BFAR: variants seen among roughly 807,000 people sequenced by gnomAD.
The protein encoded by BFAR is RING finger protein 47.
In BFAR, 52 loss-of-function variants were observed where a neutral mutation model predicts 54.4. The ratio of observed to expected loss-of-function variants is 0.96; its 90% confidence interval spans 0.77 to 1.21. The LOEUF (loss-of-function observed/expected upper bound fraction) is 1.21, where lower values mean the gene tolerates loss of function less well. Ranked by LOEUF, BFAR falls within the 50% of genes most tolerant of loss-of-function variation. The pLI, the probability that BFAR is intolerant of heterozygous loss-of-function variation, is 0.00. For missense variants in BFAR, 571 were observed against 534.0 expected, an observed-to-expected ratio of 1.07 and a Z score of -0.68; for synonymous variants, 215 against 204.3, an observed-to-expected ratio of 1.05 and a Z score of -0.45.
At chr16:14,645,671 T>A (rs1227376701) in intron 2 of BFAR, among the ~76,000 whole-genome samples, 1 of 152,232 alleles carries the variant, frequency 6.6e-6, no homozygotes, top group East Asian at 1.9e-4. Flanking sequence ...CCTGTCAGTC[T>A]TGATTTAGCT....
intron 1 of BFAR, among the ~76,000 whole-genome samples, chr16:14,639,614 C>G (rs1363476472): frequency 6.6e-6 from 1 of 152,182 alleles, no homozygotes; most frequent in South Asian, 2.1e-4. Flanking sequence ...TGAGCCACCA[C>G]GCCAGGCCAG....
intron 4 of BFAR, among the ~76,000 whole-genome samples, chr16:14,653,604 G>A (rs1960037354): frequency 6.6e-6 from 1 of 151,952 alleles, no homozygotes; most frequent in Admixed American, 6.6e-5. Context: ...CTGGATTACA[G>A]GCATGAGCCA....
At position 14,669,074 on chromosome 16, in the gene BFAR, C is replaced by A. The variant is rs1448083202; in HGVS notation, c.*1247C>A. The A allele has an allele frequency of 2.2e-6, 1 of 455,032 alleles. No individual in the cohort carries two copies. Among genetic ancestry groups the A allele is most frequent in the Non-Finnish European group, 4.4e-6 (1 of 226,202 alleles). The allele number at this position is 455,032 out of a possible 1,614,324, so 28.2% of individuals were successfully genotyped here. On this transcript the variant is annotated 3_prime_UTR_variant, in exon 8 of 8. Transcript: ENST00000261658. Reference sequence around the variant, plus strand: ...GTGAGATGTCATCTTGGAAGACAGGCCTTGCAGAAATAGGCCTACATCCAA... The same window carrying A: ...GTGAGATGTCATCTTGGAAGACAGGACTTGCAGAAATAGGCCTACATCCAA...
intron 6 of BFAR, among the ~76,000 whole-genome samples, chr16:14,664,143 G>A (rs1047887081): frequency 1.3e-5 from 2 of 152,048 alleles, no homozygotes; most frequent in African/African-American, 4.8e-5. Flanking sequence ...CACTGTCTGT[G>A]TCTTGGATGG....
intron 2 of BFAR, among the ~76,000 whole-genome samples, chr16:14,647,057 G>A (rs1425808989): frequency 3.9e-5 from 6 of 152,032 alleles, no homozygotes; most frequent in Admixed American, 6.6e-5. Context: ...GATTACAGGC[G>A]TGAGCCACTA....
chr16:14,650,152 T>C, intron 4 of BFAR, 179 bp downstream of exon 4: 1 of 516,192 alleles, frequency 1.9e-6, no homozygotes, highest in East Asian at 3.5e-5. Context: ...TGAAACCCCA[T>C]CTCTACTAAA....
At chr16:14,641,505 C>G (rs964776424) in intron 1 of BFAR, among the ~76,000 whole-genome samples, 4 of 150,782 alleles carry the variant, frequency 2.7e-5, no homozygotes, top group East Asian at 3.9e-4. Flanking sequence ...GAGTGGAGAT[C>G]GCGCCCCTGC....
intron 2 of BFAR, among the ~76,000 whole-genome samples, chr16:14,644,826 G>A (rs1343532780): frequency 6.6e-6 from 1 of 152,056 alleles, no homozygotes; most frequent in Admixed American, 6.6e-5. Flanking sequence ...TCTCTTAACA[G>A]GAACAGCAGT....
intron 7 of BFAR, among the ~76,000 whole-genome samples, chr16:14,666,555 A>T (rs1960446025): frequency 6.6e-6 from 1 of 152,022 alleles, no homozygotes; most frequent in Non-Finnish European, 1.5e-5. Context: ...CTGGGCGACA[A>T]AACGAGAGTC....
Position 14,655,054 on chromosome 16 carries a change from G to T in BFAR, c.639-12G>T, listed in dbSNP as rs761009428. On this transcript the variant is annotated splice_polypyrimidine_tract_variant and intron_variant, in intron 4 of 7. Coordinates refer to ENST00000261658, the MANE Select transcript of BFAR (RefSeq NM_016561.3). ...ATAATCGCAAAATAAATCTCCTCCT[G>T]CCCCTCTACAGGTTGCTTTTAACTT... The T allele has an allele frequency of 1.1e-5, 17 of 1,592,690 alleles. No individual in the cohort carries two copies. Among genetic ancestry groups the T allele is most frequent in the South Asian group, 5.7e-5 (5 of 87,244 alleles).
intron 5 of BFAR, 124 bp from the exon 6 acceptor site, chr16:14,661,760 CCGTTCATT>C: frequency 2.0e-6 from 2 of 982,334 alleles, no homozygotes; most frequent in Non-Finnish European, 3.1e-6. Context: ...CCTCTTCTTG[CCGTTCATT>C]CATTCATGCA....
intron 6 of BFAR, among the ~76,000 whole-genome samples, chr16:14,663,087 G>T (rs1165645118): frequency 6.6e-6 from 1 of 152,184 alleles, no homozygotes; most frequent in African/African-American, 2.4e-5. Flanking sequence ...GTCAGGGGTC[G>T]ATCTTTAACT....
At chr16:14,662,887 C>T (rs1170137356) in intron 6 of BFAR, among the ~76,000 whole-genome samples, 2 of 152,142 alleles carry the variant, frequency 1.3e-5, no homozygotes, top group African/African-American at 2.4e-5. Flanking sequence ...GTGAGCAATT[C>T]CTGTCCCTTT....
intron 6 of BFAR, 121 bp downstream of exon 6, chr16:14,662,186 G>A (rs1960310520): frequency 5.9e-6 from 7 of 1,188,068 alleles, no homozygotes; most frequent in African/African-American, 1.5e-5. Context: ...AGAATGTCTG[G>A]TAGGTCATTT....
chr16:14,656,892 C>T (rs1173390290), intron 5 of BFAR, among the ~76,000 whole-genome samples: 26 of 152,098 alleles, frequency 1.7e-4, no homozygotes, highest in Admixed American at 1.7e-3. Context: ...CACTTGAGGC[C>T]AGGAGTTCCA....
chr16:14,668,087 G>A lies in BFAR; in HGVS notation c.*260G>A. ...TTCCCACCCAGCCACCTTCCTCACA[G>A]GGACTAGGAGGCTCAGTCCCCAACG... is the stretch of plus-strand genomic sequence containing the variant. On this transcript the variant is annotated 3_prime_UTR_variant, in exon 8 of 8. Transcript: ENST00000261658. 1 of 497,958 alleles carries A rather than the reference G, an allele frequency of 2.0e-6. No homozygotes were observed. 30.8% of individuals were successfully genotyped at this position (497,958 alleles called of 1,614,324 possible). A position where few individuals can be genotyped will look rare whatever the true frequency, so the allele number is the denominator to read the frequency against.
intron 1 of BFAR, among the ~76,000 whole-genome samples, chr16:14,640,747 T>G (rs1959596381): frequency 6.6e-6 from 1 of 152,198 alleles, no homozygotes; most frequent in Non-Finnish European, 1.5e-5. Flanking sequence ...TGTCGCACAT[T>G]AACACCCTCT....
At chr16:14,654,493 CTTTTTTTTTTTTT>C (rs55673619) in intron 4 of BFAR, among the ~76,000 whole-genome samples, 1 of 89,170 alleles carries the variant, frequency 1.1e-5, no homozygotes, top group Non-Finnish European at 2.1e-5. Context: ...GTGAGTTTTC[CTTTTTTTTTTTTT>C]TTTTTTTTTT....
In BFAR at chr16:14,667,532, G is replaced by T; in HGVS notation, c.1161-103G>T. On this transcript the variant is annotated intron_variant, in intron 7 of 7. Coordinates refer to ENST00000261658, the MANE Select transcript of BFAR (RefSeq NM_016561.3). ...CAGAAGACAAGGACATTCAGCACGG[G>T]CAGCCATGCTCTTCCCAGCACCCAG... 3.7e-6 allele frequency: 4 copies of T among 1,071,464 alleles called. No individual in the cohort carries two copies. The South Asian group carries it at 6.0e-5, about 16-fold the overall frequency. 66.4% of individuals were successfully genotyped at this position (1,071,464 alleles called of 1,614,324 possible). A position where few individuals can be genotyped will look rare whatever the true frequency, so the allele number is the denominator to read the frequency against.
Sources: gnomAD v4.1 joint callset for allele counts (sites outside exome capture counted in the v4.1 genomes callset) on GRCh38, gnomAD v4.1.1 for gene constraint, MANE v1.5 for transcripts, NCBI Gene and HGNC (gene_info 2026-07-23, HGNC 2026-07-21) for gene names.